Variants in RPS6KC1 observed in about 807,000 individuals in gnomAD.
The protein encoded by RPS6KC1 is ribosomal protein S6 kinase C1.
A neutral mutation model predicts 103.8 loss-of-function variants in RPS6KC1; 54 were observed. The ratio of observed to expected loss-of-function variants is 0.52; its 90% CI spans 0.42 to 0.65. The LOEUF (loss-of-function observed/expected upper bound fraction) is 0.65. Ranked by LOEUF, RPS6KC1 falls within the 30% of genes least tolerant of loss-of-function variation. RPS6KC1 has a pLI of 0.00. For missense variants in RPS6KC1, 1,151 were observed against 1,253.8 expected (o/e 0.92, Z 1.24); for synonymous variants, 439 against 438.7 (o/e 1.00, Z -0.01).
intron 3 of RPS6KC1, among the ~76,000 whole-genome samples, chr1:213,091,679 G>GA: frequency 6.6e-6 from 1 of 152,214 alleles, no homozygotes; most frequent in African/African-American, 2.4e-5. Context: ...GATTTCTAAG[G>GA]AAAAAATTTT....
chr1:213,132,365 A>G (rs1256096888), intron 6 of RPS6KC1, among the ~76,000 whole-genome samples: 1 of 152,194 alleles, frequency 6.6e-6, no homozygotes, highest in African/African-American at 2.4e-5. Flanking sequence ...ATCAATTTTT[A>G]TTCAGACAAA....
At chr1:213,314,529 A>AAC in the RPS6KC1 span, among the ~76,000 whole-genome samples, 1 of 152,212 alleles carries the variant, frequency 6.6e-6, no homozygotes, top group Non-Finnish European at 1.5e-5. Context: ...GCATTAGAGA[A>AAC]ACACTGTTCC....
At chr1:213,413,584 C>T in the RPS6KC1 span, among the ~76,000 whole-genome samples, 2 of 152,272 alleles carry the variant, frequency 1.3e-5, no homozygotes, top group Non-Finnish European at 2.9e-5. Flanking sequence ...CTGGCAGGCG[C>T]CCTCAGTTTC....
At chr1:213,390,354 C>A in the RPS6KC1 span, among the ~76,000 whole-genome samples, 2 of 152,186 alleles carry the variant, frequency 1.3e-5, no homozygotes, top group African/African-American at 4.8e-5. Context: ...GCATCCATTT[C>A]CTCATTAATC....
the RPS6KC1 span, among the ~76,000 whole-genome samples, chr1:213,393,757 G>A: frequency 6.6e-6 from 1 of 152,320 alleles, no homozygotes; most frequent in East Asian, 1.9e-4. Context: ...GAATGAATGG[G>A]ATTGAGTAAG....
At chr1:213,331,281 A>G in the RPS6KC1 span, among the ~76,000 whole-genome samples, 64 of 152,326 alleles carry the variant, frequency 4.2e-4, no homozygotes, top group South Asian at 5.2e-3. Flanking sequence ...TGAGTTAATC[A>G]ACAACATTGG....
the RPS6KC1 span, among the ~76,000 whole-genome samples, chr1:213,412,776 A>C: frequency 6.6e-6 from 1 of 152,214 alleles, no homozygotes; most frequent in Non-Finnish European, 1.5e-5. Context: ...CCTGCTCTGC[A>C]AGTTGGCTGC....
the RPS6KC1 span, among the ~76,000 whole-genome samples, chr1:213,800,602 C>A: frequency 2.0e-5 from 3 of 152,130 alleles, no homozygotes; most frequent in Admixed American, 1.3e-4. Flanking sequence ...ACGTAGGACA[C>A]CTGGCCACCT....
At chr1:213,718,497 G>A in the RPS6KC1 span, among the ~76,000 whole-genome samples, 2 of 152,216 alleles carry the variant, frequency 1.3e-5, no homozygotes, top group Non-Finnish European at 2.9e-5. Flanking sequence ...TCTGTATTAT[G>A]GAATACATGG....
At chr1:213,289,994 G>T in the RPS6KC1 span, among the ~76,000 whole-genome samples, 3 of 151,920 alleles carry the variant, frequency 2.0e-5, no homozygotes, top group Non-Finnish European at 4.4e-5. Flanking sequence ...AGCCGAGATC[G>T]CACCATTGCA....
chr1:213,311,141 ATT>A, the RPS6KC1 span, among the ~76,000 whole-genome samples: 28 of 138,580 alleles, frequency 2.0e-4, no homozygotes, highest in Middle Eastern at 3.8e-3. Context: ...TAATTTAGGC[ATT>A]TTTTTTTTTT....
chr1:213,074,779 A>G (rs1366464419), intron 2 of RPS6KC1, among the ~76,000 whole-genome samples: 1 of 150,832 alleles, frequency 6.6e-6, no homozygotes, highest in Non-Finnish European at 1.5e-5. Context: ...TATTATGATT[A>G]AATTGTTAAA....
At chr1:213,450,333 A>ATT in the RPS6KC1 span, among the ~76,000 whole-genome samples, 253 of 138,056 alleles carry the variant, frequency 1.8e-3, 1 homozygote, top group African/African-American at 6.2e-3. Flanking sequence ...GAGTTTGTAG[A>ATT]TTTTTTTTTT....
the RPS6KC1 span, among the ~76,000 whole-genome samples, chr1:213,710,404 T>C: frequency 6.6e-6 from 1 of 152,244 alleles, no homozygotes; most frequent in Non-Finnish European, 1.5e-5. Context: ...TGAGCCTATA[T>C]GTGTCTTTGC....
chr1:213,850,029 T>C, the RPS6KC1 span, among the ~76,000 whole-genome samples: 1 of 152,202 alleles, frequency 6.6e-6, no homozygotes, highest in Non-Finnish European at 1.5e-5. Context: ...AGGCGGACAA[T>C]CAAATTGTCT....
the RPS6KC1 span, among the ~76,000 whole-genome samples, chr1:213,291,482 T>G: frequency 6.6e-6 from 1 of 152,238 alleles, no homozygotes; most frequent in Admixed American, 6.5e-5. Context: ...CCTTGGATCC[T>G]TAAAGACTGT....
the RPS6KC1 span, among the ~76,000 whole-genome samples, chr1:213,748,982 C>T: frequency 6.6e-6 from 1 of 152,184 alleles, no homozygotes; most frequent in African/African-American, 2.4e-5. Flanking sequence ...AAAATGTTCA[C>T]CAGGCTGGAC....
the RPS6KC1 span, among the ~76,000 whole-genome samples, chr1:213,751,412 G>A: frequency 6.6e-6 from 1 of 152,130 alleles, no homozygotes; most frequent in Non-Finnish European, 1.5e-5. Context: ...GCCAGAGCAC[G>A]CTGACAGCTG....
intron 14 of RPS6KC1, 54 bp downstream of exon 14, chr1:213,262,870 C>A: frequency 1.9e-6 from 2 of 1,028,124 alleles, no homozygotes; most frequent in Non-Finnish European, 3.1e-6. Flanking sequence ...TTAGCAGAGC[C>A]CACAACTCCA....
Sources: allele counts gnomAD v4.1 joint callset (sites outside exome capture counted in the v4.1 genomes callset), GRCh38; gene constraint gnomAD v4.1.1; transcripts MANE v1.5; gene names NCBI Gene and HGNC (gene_info 2026-07-23, HGNC 2026-07-21).